CDC20B: variants seen among roughly 807,000 people sequenced by gnomAD.
The protein encoded by CDC20B is cell division cycle protein 20 homolog B.
CDC20B carries 58 observed loss-of-function variants against 64.1 expected under a neutral mutation model. The observed-to-expected ratio is 0.90, with a 90% CI of 0.73 to 1.13. The LOEUF (loss-of-function observed/expected upper bound fraction) is 1.13, where lower values mean the gene tolerates loss of function less well. Ranked by LOEUF, CDC20B falls within the 50% of genes most tolerant of loss-of-function variation. CDC20B has a pLI of 0.00. For missense variants in CDC20B, 597 were observed against 633.0 expected, an observed-to-expected ratio of 0.94 and a Z score of 0.61; for synonymous variants, 243 against 230.6, an observed-to-expected ratio of 1.05 and a Z score of -0.49.
intron 5 of CDC20B, among the ~76,000 whole-genome samples, chr5:55,139,305 C>A (rs945984709): frequency 4.6e-5 from 7 of 152,078 alleles, no homozygotes; most frequent in Admixed American, 1.3e-4. Context: ...TTCAGACCAG[C>A]AAACCCAGAA....
Position 55,143,621 on chromosome 5 carries a change from C to A in CDC20B, c.378G>T (p.Lys126Asn). The change falls in exon 4 of 12, where the codon AAG becomes AAT. Residue 126 changes from lysine (K) to asparagine (N), a missense_variant. By Grantham distance (94) the Lys-to-Asn change is moderately conservative. Transcript: ENST00000381375. Reference sequence around the variant, plus strand: ...TTTCAGAAATTCCTTTGCTGGGGGTCTTCAGTTGTTCTTTGCGGGATCCTA... The same window carrying A: ...TTTCAGAAATTCCTTTGCTGGGGGTATTCAGTTGTTCTTTGCGGGATCCTA... ...LTLGSRKEQL[K>N]TPSKGISETS... The A allele has an allele frequency of 6.2e-7, 1 of 1,602,744 alleles. No individual in the cohort carries two copies. The highest frequency in any genetic ancestry group is 8.5e-7 in the Non-Finnish European group (1 of 1,175,022).
intron 2 of CDC20B, chr5:55,160,972 G>A (rs1744017541): frequency 1.3e-6 from 2 of 1,584,016 alleles, no homozygotes; most frequent in African/African-American, 2.7e-5. Context: ...TTTCCGGTTG[G>A]ATTTTTTTCT....
At chr5:55,134,487 G>T (rs1169206022) in intron 5 of CDC20B, among the ~76,000 whole-genome samples, 1 of 152,142 alleles carries the variant, frequency 6.6e-6, no homozygotes, top group Non-Finnish European at 1.5e-5. Flanking sequence ...CTGGGGCTGG[G>T]CACGGTGGCT....
intron 2 of CDC20B, chr5:55,164,364 G>T: frequency 2.2e-6 from 1 of 445,362 alleles, no homozygotes; most frequent in Admixed American, 4.3e-5. Context: ...TGCAACCTCT[G>T]CCTTTTTAAA....
At chr5:55,161,274 T>C (rs541801512) in intron 2 of CDC20B, 1 of 1,604,410 alleles carries the variant, frequency 6.2e-7, no homozygotes, top group East Asian at 2.2e-5. Context: ...CTGCCTTGCA[T>C]ATGCTGTTTT....
chr5:55,134,741 A>C (rs1257675127), intron 5 of CDC20B, among the ~76,000 whole-genome samples: 1 of 152,210 alleles, frequency 6.6e-6, no homozygotes, highest in Non-Finnish European at 1.5e-5. Flanking sequence ...TCTCTAAAAA[A>C]AATAAAAAAT....
At chr5:55,156,974 A>G in intron 2 of CDC20B, among the ~76,000 whole-genome samples, 1 of 152,178 alleles carries the variant, frequency 6.6e-6, no homozygotes, top group East Asian at 1.9e-4. Flanking sequence ...TCATATTTCC[A>G]AAATTGCTTT....
intron 10 of CDC20B, 25 bp downstream of exon 10, chr5:55,120,400 G>T (rs1255298427): frequency 1.2e-6 from 2 of 1,612,380 alleles, no homozygotes; most frequent in Admixed American, 3.3e-5. Context: ...TCAAAATGAA[G>T]ATGAAGCCCA....
At chr5:55,163,019 C>G (rs1343496344) in intron 2 of CDC20B, among the ~76,000 whole-genome samples, 1 of 152,034 alleles carries the variant, frequency 6.6e-6, no homozygotes, top group Non-Finnish European at 1.5e-5. Context: ...GATAATAATA[C>G]CCACCTCATA....
At chr5:55,164,302 G>GAGTGAGACAC in intron 2 of CDC20B, 1 of 1,051,290 alleles carries the variant, frequency 9.5e-7, no homozygotes, top group Non-Finnish European at 1.3e-6. Context: ...TTTGGAGACA[G>GAGTGAGACAC]TGTCTCACTC....
chr5:55,160,266 T>C (rs746464256), intron 2 of CDC20B: 16 of 1,613,880 alleles, frequency 9.9e-6, no homozygotes, highest in Non-Finnish European at 1.4e-5. Context: ...TTGCTGTCTA[T>C]AGTTCTATGC....
At chr5:55,170,530 A>G (rs375811168) in intron 2 of CDC20B, 77 of 534,806 alleles carry the variant, frequency 1.4e-4, no homozygotes, top group African/African-American at 1.1e-3. Context: ...TCTGATGTTC[A>G]TTGTATATGC....
chr5:55,171,248 G>A (rs1744588999), intron 2 of CDC20B, among the ~76,000 whole-genome samples: 1 of 152,226 alleles, frequency 6.6e-6, no homozygotes, highest in African/African-American at 2.4e-5. Context: ...GGGAGCTGGA[G>A]TTTGCAGTGA....
In CDC20B at chr5:55,153,510, C is replaced by T. The variant is rs1580359520; in HGVS notation, c.127-6654G>A. On this transcript the variant is annotated intron_variant, in intron 2 of 11. Transcript: ENST00000381375. ...GATATATGTATTATTTTTCATGGTT[C>T]TCCAATAGGAGAAGCAAGTAACTAG... Among the ~76,000 whole-genome samples, 4 of 152,188 alleles carry T rather than the reference C, an allele frequency of 2.6e-5. 1 individual carries two copies. Among genetic ancestry groups the T allele is most frequent in the Admixed American group, 2.6e-4 (4 of 15,286 alleles).
At chr5:55,146,260 G>A (rs1410628626) in intron 3 of CDC20B, among the ~76,000 whole-genome samples, 2 of 152,110 alleles carry the variant, frequency 1.3e-5, no homozygotes, top group African/African-American at 4.8e-5. Flanking sequence ...TGCAAATAAG[G>A]CGAACTGAGC....
In CDC20B at chr5:55,160,228, C is replaced by T. The variant is rs768067909; in HGVS notation, c.126+12360G>A. Reference sequence around the variant, plus strand: ...TTGCAGCTTACCCGCTAAAATGTTCCGGGCCCAGAGCAAAGGTATTTGCAG... The same window carrying T: ...TTGCAGCTTACCCGCTAAAATGTTCTGGGCCCAGAGCAAAGGTATTTGCAG... On this transcript the variant is annotated intron_variant, in intron 2 of 11. Coordinates refer to ENST00000381375, the MANE Select transcript of CDC20B (RefSeq NM_001170402.1). 5.0e-6 allele frequency: 8 copies of T among 1,613,962 alleles called. No individual in the cohort carries two copies. The Admixed American group carries it at 6.7e-5, about 13-fold the overall frequency.
At chr5:55,135,020 C>T (rs1349050732) in intron 5 of CDC20B, among the ~76,000 whole-genome samples, 1 of 152,108 alleles carries the variant, frequency 6.6e-6, no homozygotes, top group Non-Finnish European at 1.5e-5. Flanking sequence ...CAGGAATGAA[C>T]TCTAATGTAA....
At chr5:55,119,995 G>A in intron 10 of CDC20B, 77 bp from the exon 11 acceptor site, 3 of 1,042,742 alleles carry the variant, frequency 2.9e-6, no homozygotes, top group Non-Finnish European at 4.5e-6. Context: ...GTTACAGGCA[G>A]TATGCACTGT....
At chr5:55,147,424 AT>A (rs368120952) in intron 2 of CDC20B, among the ~76,000 whole-genome samples, 18 of 108,422 alleles carry the variant, frequency 1.7e-4, no homozygotes, top group Admixed American at 8.7e-4. Flanking sequence ...TATTTTATAT[AT>A]TTTTATATTG....
Sources: gnomAD v4.1 joint callset for allele counts (sites outside exome capture counted in the v4.1 genomes callset) on GRCh38, gnomAD v4.1.1 for gene constraint, MANE v1.5 for transcripts, NCBI Gene and HGNC (gene_info 2026-07-23, HGNC 2026-07-21) for gene names.